PIP5K1B: variants seen among roughly 807,000 people sequenced by gnomAD.
The protein encoded by PIP5K1B is phosphatidylinositol-4-phosphate 5-kinase type 1 beta, also known as phosphatidylinositol 4-phosphate 5-kinase type-1 beta.
Under a neutral mutation model 67.0 loss-of-function variants are expected in PIP5K1B, and 42 were observed. The observed-to-expected ratio is 0.63, with a 90% CI of 0.49 to 0.81. PIP5K1B has a LOEUF of 0.81. Ranked by LOEUF, PIP5K1B falls within the 30% of genes least tolerant of loss-of-function variation. The pLI is 0.00. For missense variants in PIP5K1B, 459 were observed against 646.3 expected (o/e 0.71, Z 3.14); for synonymous variants, 214 against 231.4 (o/e 0.92, Z 0.68).
chr9:68,925,126 A>T (rs7035892), intron 12 of PIP5K1B, among the ~76,000 whole-genome samples: 31,439 of 149,028 alleles, frequency 0.21, 3,837 homozygotes, highest in African/African-American at 0.35. Context: ...ACGTAATCTA[A>T]TTTTTTTTTT....
chr9:68,981,291 T>A (rs545954456), intron 14 of PIP5K1B, among the ~76,000 whole-genome samples: 1 of 152,230 alleles, frequency 6.6e-6, no homozygotes, highest in African/African-American at 2.4e-5. Flanking sequence ...AAAATATAAA[T>A]AGCAAATGTT....
At chr9:68,928,770 T>G (rs1234484184) in intron 12 of PIP5K1B, among the ~76,000 whole-genome samples, 1 of 152,238 alleles carries the variant, frequency 6.6e-6, no homozygotes, top group African/African-American at 2.4e-5. Context: ...CTATCTACTT[T>G]TCTTGCTTTA....
intron 14 of PIP5K1B, among the ~76,000 whole-genome samples, chr9:68,988,363 T>A (rs1830183013): frequency 6.6e-6 from 1 of 150,576 alleles, no homozygotes; most frequent in African/African-American, 2.4e-5. Context: ...TATTAATATA[T>A]TTGATACACT....
At chr9:68,958,529 A>G (rs1204555815) in intron 14 of PIP5K1B, among the ~76,000 whole-genome samples, 1 of 152,158 alleles carries the variant, frequency 6.6e-6, no homozygotes, top group Non-Finnish European at 1.5e-5. Context: ...TCTTAGAGAA[A>G]TTTTTCTCAG....
At chr9:68,721,269 T>C (rs1827868841) in intron 1 of PIP5K1B, among the ~76,000 whole-genome samples, 1 of 152,046 alleles carries the variant, frequency 6.6e-6, no homozygotes, top group South Asian at 2.1e-4. Flanking sequence ...ATTAGAAGGG[T>C]AAGAGACTGG....
chr9:68,888,118 A>G (rs1394478489), intron 6 of PIP5K1B, among the ~76,000 whole-genome samples: 1 of 152,050 alleles, frequency 6.6e-6, no homozygotes, highest in Non-Finnish European at 1.5e-5. Flanking sequence ...AGCCGGGACT[A>G]CAGGCACGTG....
rs151022671 is a variant in PIP5K1B, at chr9:68,997,038, G to A, written c.1620+5781G>A. Among the ~76,000 whole-genome samples the A allele has an allele frequency of 8.8e-4, 134 of 152,316 alleles. 2 individuals carry two copies. In the East Asian group the frequency reaches 0.02, roughly 23 times the overall value. ...AACAGTTAAGCTGTTTTTTAGCCAC[G>A]CCAGTATTGGAGATTAGCGCTCTGA... On this transcript the variant is annotated intron_variant, in intron 15 of 15. Coordinates refer to ENST00000265382, the MANE Select transcript of PIP5K1B (RefSeq NM_003558.4).
At chr9:68,906,112 G>T (rs1331071237) in intron 8 of PIP5K1B, among the ~76,000 whole-genome samples, 1 of 152,076 alleles carries the variant, frequency 6.6e-6, no homozygotes, top group Non-Finnish European at 1.5e-5. Context: ...CTTCTCTCCT[G>T]GGCTCAAGCG....
rs115223104 is a variant in PIP5K1B at position 68,840,688 on chromosome 9, G to A, written c.69+18005G>A. On this transcript the variant is annotated intron_variant, in intron 4 of 15. Coordinates refer to ENST00000265382, the MANE Select transcript of PIP5K1B (RefSeq NM_003558.4). ...CTCTTACATTATGTCTCACTCACCCGCTCCTTTGCCTCTTCTTTTTTTAAC... is the reference window on the plus strand; with the variant it reads ...CTCTTACATTATGTCTCACTCACCCACTCCTTTGCCTCTTCTTTTTTTAAC... Among the ~76,000 whole-genome samples the A allele has an allele frequency of 7.0e-3, 1,072 of 152,088 alleles. 11 individuals are homozygous for A. The highest frequency in any genetic ancestry group is 0.024 in the African/African-American group (1,016 of 41,494).
At chr9:69,004,163 G>A (rs1315923950) in intron 15 of PIP5K1B, among the ~76,000 whole-genome samples, 4 of 152,160 alleles carry the variant, frequency 2.6e-5, no homozygotes, top group Non-Finnish European at 2.9e-5. Flanking sequence ...CATATGTGTG[G>A]GATGAATAAC....
chr9:68,955,411 G>A (rs1828333581), intron 14 of PIP5K1B, among the ~76,000 whole-genome samples: 1 of 152,240 alleles, frequency 6.6e-6, no homozygotes, highest in African/African-American at 2.4e-5. Flanking sequence ...CTGTGAGAGA[G>A]AGCAGAGCTC....
chr9:68,909,971 G>C (rs1480315351), intron 8 of PIP5K1B, among the ~76,000 whole-genome samples: 1 of 152,170 alleles, frequency 6.6e-6, no homozygotes, highest in Non-Finnish European at 1.5e-5. Context: ...CGTATTGAAT[G>C]GGTTAATTTC....
chr9:68,755,505 G>C (rs1203574566), intron 2 of PIP5K1B, among the ~76,000 whole-genome samples: 1 of 152,138 alleles, frequency 6.6e-6, no homozygotes, highest in Non-Finnish European at 1.5e-5. Context: ...CTCTGTATAA[G>C]TAACACAAGA....
At chr9:68,827,913 C>T (rs114087834) in intron 4 of PIP5K1B, among the ~76,000 whole-genome samples, 157 of 152,278 alleles carry the variant, frequency 1.0e-3, no homozygotes, top group African/African-American at 3.7e-3. Flanking sequence ...GCTAGACATT[C>T]AAGTTTTGTC....
intron 8 of PIP5K1B, among the ~76,000 whole-genome samples, chr9:68,911,758 C>T (rs904561634): frequency 6.6e-6 from 1 of 152,080 alleles, no homozygotes; most frequent in Non-Finnish European, 1.5e-5. Flanking sequence ...TGGCATGTGC[C>T]TGTAGTTCCA....
intron 14 of PIP5K1B, among the ~76,000 whole-genome samples, chr9:68,945,646 G>T (rs1474109034): frequency 2.6e-5 from 4 of 152,146 alleles, no homozygotes; most frequent in Non-Finnish European, 5.9e-5. Flanking sequence ...TACATATCAA[G>T]TGATTTAATT....
intron 6 of PIP5K1B, among the ~76,000 whole-genome samples, chr9:68,882,199 T>C (rs1003660224): frequency 9.2e-5 from 14 of 152,192 alleles, no homozygotes; most frequent in African/African-American, 3.4e-4. Flanking sequence ...TCATGACTAA[T>C]TAAAATGTTC....
chr9:68,784,951 G>T (rs753959093), intron 2 of PIP5K1B, among the ~76,000 whole-genome samples: 6 of 152,152 alleles, frequency 3.9e-5, no homozygotes, highest in Non-Finnish European at 8.8e-5. Context: ...AATTATTGAG[G>T]AATCTAAGAT....
In PIP5K1B at chr9:68,969,235, G is replaced by A. The variant is rs2132812209; in HGVS notation, c.1503-21905G>A. Among the ~76,000 whole-genome samples the A allele has an allele frequency of 1.3e-5, 2 of 152,110 alleles. 1 individual carries two copies. On this transcript the variant is annotated intron_variant, in intron 14 of 15. Coordinates refer to ENST00000265382, the MANE Select transcript of PIP5K1B (RefSeq NM_003558.4). The stretch of plus-strand genomic sequence containing the variant: ...CACAAAAAATTAGCCGGGCATGGTG[G>A]CGGGCACCTGTAGTCCCGGCTACTC...
Sources: allele counts gnomAD v4.1 joint callset (sites outside exome capture counted in the v4.1 genomes callset), GRCh38; gene constraint gnomAD v4.1.1; transcripts MANE v1.5; gene names NCBI Gene and HGNC (gene_info 2026-07-23, HGNC 2026-07-21).